Variants in RABGAP1L observed in about 807,000 individuals in gnomAD.
The protein encoded by RABGAP1L is RAB GTPase activating protein 1 like.
In RABGAP1L, 63 loss-of-function variants were observed where a neutral mutation model predicts 137.7. The observed-to-expected ratio is 0.46, with a 90% CI of 0.37 to 0.56. The LOEUF (loss-of-function observed/expected upper bound fraction) is 0.56, where lower values mean the gene tolerates loss of function less well. Among genes scored for constraint, RABGAP1L ranks in the 20% least tolerant of loss-of-function variants. The pLI, the probability that RABGAP1L is intolerant of heterozygous loss-of-function variation, is 0.00. For missense variants in RABGAP1L, 1,095 were observed against 1,244.0 expected, an observed-to-expected ratio of 0.88 and a Z score of 1.80; for synonymous variants, 431 against 433.7, an observed-to-expected ratio of 0.99 and a Z score of 0.08.
At chr1:174,317,616 G>A (rs892872411) in intron 11 of RABGAP1L, among the ~76,000 whole-genome samples, 2 of 152,120 alleles carry the variant, frequency 1.3e-5, no homozygotes, top group Non-Finnish European at 2.9e-5. Flanking sequence ...TAGGGGAGGG[G>A]TGATACTAGC....
At chr1:174,644,648 T>C (rs1674807184) in intron 14 of RABGAP1L, among the ~76,000 whole-genome samples, 1 of 152,148 alleles carries the variant, frequency 6.6e-6, no homozygotes, top group Non-Finnish European at 1.5e-5. Context: ...GAGATCTATT[T>C]CTATACTATA....
chr1:174,695,666 A>G (rs1295067572), intron 15 of RABGAP1L, among the ~76,000 whole-genome samples: 1 of 152,070 alleles, frequency 6.6e-6, no homozygotes, highest in East Asian at 1.9e-4. Flanking sequence ...ATGCTTGTGG[A>G]TGTTTATTGA....
intron 19 of RABGAP1L, among the ~76,000 whole-genome samples, chr1:174,825,403 A>G (rs1434633953): frequency 6.6e-6 from 1 of 152,184 alleles, no homozygotes; most frequent in Non-Finnish European, 1.5e-5. Context: ...CATACTTTCT[A>G]CTAACTCTTG....
rs903750750 is a variant in RABGAP1L, at chr1:174,878,005, CT to C, written c.2340+66047del. On this transcript the variant is annotated intron_variant, in intron 19 of 25. Coordinates refer to ENST00000681986, the MANE Select transcript of RABGAP1L (RefSeq NM_001366446.1). ...CTAAACATCAGGTAACTTTCAGGGT[CT>C]TAAATTATTACTAAGAAGAACTATT... Among the ~76,000 whole-genome samples the C allele has an allele frequency of 2.5e-4, 38 of 152,182 alleles. No homozygotes were observed. In the Middle Eastern group the frequency reaches 0.01, roughly 41 times the overall value.
At chr1:174,375,262 G>C (rs1685426255) in intron 12 of RABGAP1L, among the ~76,000 whole-genome samples, 1 of 151,512 alleles carries the variant, frequency 6.6e-6, no homozygotes, top group African/African-American at 2.4e-5. Context: ...AAAATTCATG[G>C]CATATTATAC....
intron 10 of RABGAP1L, among the ~76,000 whole-genome samples, chr1:174,283,512 T>C (rs1417800295): frequency 1.3e-5 from 2 of 151,980 alleles, no homozygotes; most frequent in African/African-American, 4.8e-5. Flanking sequence ...TTTGTTTGTT[T>C]GTTTGTTTTT....
intron 13 of RABGAP1L, among the ~76,000 whole-genome samples, chr1:174,416,237 G>T (rs1650576902): frequency 6.6e-6 from 1 of 151,834 alleles, no homozygotes; most frequent in African/African-American, 2.4e-5. Context: ...CTGTAGTCTT[G>T]CATTAAGTGT....
chr1:174,894,312 G>T (rs1656770595), intron 19 of RABGAP1L, among the ~76,000 whole-genome samples: 1 of 152,160 alleles, frequency 6.6e-6, no homozygotes, highest in African/African-American at 2.4e-5. Flanking sequence ...AGGCTGCTCA[G>T]CTTCCTTCTT....
intron 19 of RABGAP1L, among the ~76,000 whole-genome samples, chr1:174,904,883 C>T (rs1486429194): frequency 6.6e-6 from 1 of 152,094 alleles, no homozygotes; most frequent in Non-Finnish European, 1.5e-5. Flanking sequence ...AACTCCTGGG[C>T]ACAAGGTATC....
At chr1:174,252,798 GT>G (rs1672820818) in intron 7 of RABGAP1L, among the ~76,000 whole-genome samples, 1 of 152,130 alleles carries the variant, frequency 6.6e-6, no homozygotes, top group Admixed American at 6.5e-5. Flanking sequence ...AATGGTTTTA[GT>G]TTTTCAGTCA....
At chr1:174,596,843 C>G (rs1669973930) in intron 13 of RABGAP1L, among the ~76,000 whole-genome samples, 1 of 151,910 alleles carries the variant, frequency 6.6e-6, no homozygotes, top group Non-Finnish European at 1.5e-5. Flanking sequence ...AGATGTGGTT[C>G]TTTTCTATAT....
intron 11 of RABGAP1L, among the ~76,000 whole-genome samples, chr1:174,306,814 A>G (rs1678306173): frequency 6.6e-6 from 1 of 152,116 alleles, no homozygotes; most frequent in South Asian, 2.1e-4. Flanking sequence ...CTCTTTTTAT[A>G]CAAACTAGAG....
chr1:174,454,585 C>T (rs749018230), intron 13 of RABGAP1L, among the ~76,000 whole-genome samples: 93 of 144,416 alleles, frequency 6.4e-4, no homozygotes, highest in Non-Finnish European at 1.1e-3. Flanking sequence ...GAGTCTCGCT[C>T]TGTTGCCCAG....
At chr1:174,809,388 G>A (rs971393491) in intron 18 of RABGAP1L, among the ~76,000 whole-genome samples, 19 of 152,290 alleles carry the variant, frequency 1.2e-4, no homozygotes, top group South Asian at 2.1e-4. Context: ...CTCTTAAGCA[G>A]CATCTCTGCC....
chr1:174,199,486 T>G (rs1300411427), intron 1 of RABGAP1L, among the ~76,000 whole-genome samples: 4 of 152,120 alleles, frequency 2.6e-5, no homozygotes, highest in Admixed American at 6.5e-5. Flanking sequence ...GAGATGGGGT[T>G]TCACTATTTT....
At chr1:174,195,737 T>TTCTC (rs1667600133) in intron 1 of RABGAP1L, among the ~76,000 whole-genome samples, 3 of 139,316 alleles carry the variant, frequency 2.2e-5, no homozygotes, top group Non-Finnish European at 4.6e-5. Context: ...TTTCTTTTCT[T>TTCTC]TCTTTCTTTC....
intron 19 of RABGAP1L, among the ~76,000 whole-genome samples, chr1:174,945,121 T>C (rs1298282107): frequency 6.6e-6 from 1 of 152,236 alleles, no homozygotes; most frequent in African/African-American, 2.4e-5. Flanking sequence ...TCAAATAGTT[T>C]AATTAACTCA....
chr1:174,611,355 C>T (rs949532031), intron 13 of RABGAP1L, among the ~76,000 whole-genome samples: 1 of 152,168 alleles, frequency 6.6e-6, no homozygotes, highest in Non-Finnish European at 1.5e-5. Flanking sequence ...TGTCAAAAAT[C>T]AGATAGTTGT....
chr1:174,352,656 T>C (rs996369021), intron 11 of RABGAP1L, among the ~76,000 whole-genome samples: 4 of 152,214 alleles, frequency 2.6e-5, no homozygotes, highest in Non-Finnish European at 4.4e-5. Flanking sequence ...TGTCTGAACA[T>C]TGAAGAGTTA....
Sources: allele counts gnomAD v4.1 joint callset (sites outside exome capture counted in the v4.1 genomes callset), GRCh38; gene constraint gnomAD v4.1.1; transcripts MANE v1.5; gene names NCBI Gene and HGNC (gene_info 2026-07-23, HGNC 2026-07-21).